IRAK2: variants seen among roughly 807,000 people sequenced by gnomAD.
IRAK2 encodes the protein interleukin-1 receptor-associated kinase-like 2.
IRAK2 carries 57 observed loss-of-function variants against 72.0 expected under a neutral mutation model. That is an observed-to-expected ratio of 0.79 (90% CI 0.64 to 0.99). IRAK2 has a LOEUF of 0.99. IRAK2 is among the 50% of genes least tolerant of loss of function. The pLI is 0.00. For missense variants in IRAK2, 790 were observed against 794.4 expected (o/e 0.99, Z 0.07); for synonymous variants, 293 against 312.7 (o/e 0.94, Z 0.67).
Position 10,203,220 on chromosome 3 carries a change from C to G in IRAK2, c.424+2705C>G, listed in dbSNP as rs191093625. ...CTGTGTTGCACAGGCTGGTCTTGAA[C>G]TCCTGGGCTCAAGCAATCCACCTGC... On this transcript the variant is annotated intron_variant, in intron 3 of 12. Coordinates refer to ENST00000256458, the MANE Select transcript of IRAK2 (RefSeq NM_001570.4). Among the ~76,000 whole-genome samples the G allele has an allele frequency of 1.8e-3, 270 of 152,200 alleles. 6 individuals are homozygous for G. The South Asian group carries it at 0.044, about 25-fold the overall frequency.
At chr3:10,203,612 A>T (rs1287971998) in intron 3 of IRAK2, among the ~76,000 whole-genome samples, 4 of 152,048 alleles carry the variant, frequency 2.6e-5, no homozygotes, top group Non-Finnish European at 5.9e-5. Flanking sequence ...GTGGGAAGAG[A>T]CATGGAGGAG....
intron 8 of IRAK2, among the ~76,000 whole-genome samples, chr3:10,222,168 G>T (rs962048522): frequency 3.3e-5 from 5 of 152,186 alleles, no homozygotes; most frequent in South Asian, 2.1e-4. Context: ...GATTACAGGC[G>T]TGAGCCACTG....
chr3:10,175,717 G>A (rs1015399626), intron 1 of IRAK2, among the ~76,000 whole-genome samples: 1 of 151,682 alleles, frequency 6.6e-6, no homozygotes, highest in Admixed American at 6.6e-5. Context: ...GTGAAACCTG[G>A]TCTCTACTAA....
intron 7 of IRAK2, among the ~76,000 whole-genome samples, chr3:10,217,458 C>T (rs915109470): frequency 2.6e-5 from 4 of 151,980 alleles, no homozygotes; most frequent in African/African-American, 9.7e-5. Flanking sequence ...TTAGCCAATG[C>T]AGTAGGACAA....
At chr3:10,196,289 A>G (rs1697263771) in intron 2 of IRAK2, among the ~76,000 whole-genome samples, 1 of 152,126 alleles carries the variant, frequency 6.6e-6, no homozygotes, top group Admixed American at 6.5e-5. Context: ...TAATTTTTGT[A>G]TTTTTAGTAG....
intron 1 of IRAK2, among the ~76,000 whole-genome samples, chr3:10,174,943 A>T (rs545213157): frequency 1.3e-5 from 2 of 151,452 alleles, no homozygotes; most frequent in East Asian, 1.9e-4. Context: ...AAAAAAAAAA[A>T]TTAGCCAGGA....
At chr3:10,202,126 G>A (rs557085350) in intron 3 of IRAK2, among the ~76,000 whole-genome samples, 5 of 152,286 alleles carry the variant, frequency 3.3e-5, no homozygotes, top group African/African-American at 1.2e-4. Context: ...AGGCCAAGGA[G>A]TCTGGATTAT....
chr3:10,198,607 T>G (rs1195706131), intron 2 of IRAK2, among the ~76,000 whole-genome samples: 2 of 152,324 alleles, frequency 1.3e-5, no homozygotes, highest in South Asian at 4.1e-4. Flanking sequence ...CTACCAGAGA[T>G]TGTTGTGAAA....
intron 1 of IRAK2, 40 bp downstream of exon 1, chr3:10,165,088 G>A (rs1559435608): frequency 1.4e-5 from 22 of 1,543,844 alleles, no homozygotes; most frequent in Non-Finnish European, 1.9e-5. Context: ...CAGGGCGACC[G>A]GAGCCCCCAG....
Position 10,222,655 on chromosome 3 carries a change from C to G in IRAK2, c.1033C>G (p.Gln345Glu). ...NVKSSNVLLD[Q>E]NLTPKLAHPM... ...CCACAGCTCTAATGTCTTGCTGGAC[C>G]AAAATCTCACCCCCAAACTTGCTCA... Residue 345 changes from glutamine to glutamate, a missense_variant, in exon 9 of 13, where the codon CAA (glutamine) becomes GAA (glutamate). Physicochemically the swap from Gln to Glu is conservative, Grantham distance 29. Transcript: ENST00000256458. 6.2e-7 allele frequency: 1 copy of G among 1,614,048 alleles called. No individual in the cohort carries two copies. The highest frequency in any genetic ancestry group is 8.5e-7 in the Non-Finnish European group (1 of 1,179,970).
At chr3:10,210,892 C>T (rs1575975786) in intron 4 of IRAK2, among the ~76,000 whole-genome samples, 1 of 152,246 alleles carries the variant, frequency 6.6e-6, no homozygotes, top group East Asian at 1.9e-4. Context: ...AGGAGTCTCG[C>T]TCCATTGCCC....
At chr3:10,183,893 A>G (rs1697002856) in intron 2 of IRAK2, among the ~76,000 whole-genome samples, 1 of 152,078 alleles carries the variant, frequency 6.6e-6, no homozygotes, top group Non-Finnish European at 1.5e-5. Context: ...TTCCAGGTTC[A>G]CTACTGTAAA....
At chr3:10,207,731 G>A (rs1432231844) in intron 3 of IRAK2, among the ~76,000 whole-genome samples, 6 of 152,266 alleles carry the variant, frequency 3.9e-5, no homozygotes, top group Non-Finnish European at 2.9e-5. Context: ...GGTGGCTCAC[G>A]CCTATAATCC....
chr3:10,211,523 AT>A (rs764170641), intron 4 of IRAK2, among the ~76,000 whole-genome samples: 26 of 152,110 alleles, frequency 1.7e-4, no homozygotes, highest in Non-Finnish European at 3.1e-4. Context: ...GGGCGCTGAG[AT>A]GAAAGGATCC....
Position 10,165,721 on chromosome 3 carries a change from ATTTTTTTTTTT to A in IRAK2, c.94+690_94+700del, listed in dbSNP as rs34176794. On this transcript the variant is annotated intron_variant, in intron 1 of 12. Coordinates refer to ENST00000256458, the MANE Select transcript of IRAK2 (RefSeq NM_001570.4). ...ATGTTGGCCAGACTGGTCTTGAACT[ATTTTTTTTTTT>A]TTTTTTTTTTTTTTTTAAGACGGAG... Among the ~76,000 whole-genome samples the A allele has an allele frequency of 5.2e-5, 4 of 76,776 alleles. 1 individual carries two copies. Among genetic ancestry groups the A allele is most frequent in the South Asian group, 1.0e-3 (2 of 1,984 alleles). The allele number at this position is 76,776 out of a possible 152,430, so 50.4% of individuals were successfully genotyped here.
At chr3:10,191,947 G>C (rs1299000975) in intron 2 of IRAK2, among the ~76,000 whole-genome samples, 1 of 152,150 alleles carries the variant, frequency 6.6e-6, no homozygotes. Flanking sequence ...GTTCAGTGGA[G>C]AACCAGGGAT....
At chr3:10,217,147 A>G in intron 7 of IRAK2, 99 bp downstream of exon 7, 1 of 826,844 alleles carries the variant, frequency 1.2e-6, no homozygotes, top group South Asian at 1.4e-5. Context: ...GAGAGGGGCC[A>G]TCTAGGTGAG....
chr3:10,237,971 A>C (rs1697993154), intron 11 of IRAK2, among the ~76,000 whole-genome samples: 3 of 83,482 alleles, frequency 3.6e-5, no homozygotes, highest in Non-Finnish European at 5.5e-5. Flanking sequence ...GTGTGTGAAG[A>C]AGAAACATTC....
intron 2 of IRAK2, among the ~76,000 whole-genome samples, chr3:10,192,490 A>G (rs1697192879): frequency 6.6e-6 from 1 of 152,222 alleles, no homozygotes; most frequent in South Asian, 2.1e-4. Flanking sequence ...TGGGCCATAA[A>G]CAAGCACATA....
Sources: gnomAD v4.1 joint callset for allele counts (sites outside exome capture counted in the v4.1 genomes callset) on GRCh38, gnomAD v4.1.1 for gene constraint, MANE v1.5 for transcripts, NCBI Gene and HGNC (gene_info 2026-07-23, HGNC 2026-07-21) for gene names.